Variants in MTHFD1 observed in about 807,000 individuals in gnomAD.
MTHFD1 encodes the protein C-1-tetrahydrofolate synthase, cytoplasmic.
In MTHFD1, 44 loss-of-function variants were observed where a neutral mutation model predicts 110.3. The ratio of observed to expected loss-of-function variants is 0.40; its 90% CI spans 0.31 to 0.51. MTHFD1 has a LOEUF of 0.51. Ranked by LOEUF, MTHFD1 falls within the 20% of genes least tolerant of loss-of-function variation. The pLI, the probability that MTHFD1 is intolerant of heterozygous loss-of-function variation, is 0.60. For missense variants in MTHFD1, 909 were observed against 1,173.1 expected, an observed-to-expected ratio of 0.77 and a Z score of 3.29; for synonymous variants, 402 against 428.8, an observed-to-expected ratio of 0.94 and a Z score of 0.77.
chr14:64,396,921 G>T (rs1480146124), intron 1 of MTHFD1, among the ~76,000 whole-genome samples: 1 of 145,704 alleles, frequency 6.9e-6, no homozygotes, highest in Non-Finnish European at 1.5e-5. Context: ...TGGCTAACAC[G>T]GTGAAACCCC....
Position 64,455,138 on chromosome 14 carries a change from T to C in MTHFD1, c.2718+263T>C, listed in dbSNP as rs536539877. On this transcript the variant is annotated intron_variant, in intron 26 of 27. Coordinates refer to ENST00000652337, the MANE Select transcript of MTHFD1 (RefSeq NM_005956.4). ...AAAATTCTGTTTCCCAGGGACAGTATGCTCTTCACTGAATCTAGGATGAGC... is the reference window on the plus strand; with the variant it reads ...AAAATTCTGTTTCCCAGGGACAGTACGCTCTTCACTGAATCTAGGATGAGC... 53 of 449,672 alleles carry C rather than the reference T, an allele frequency of 1.2e-4. 1 individual carries two copies. The highest frequency in any genetic ancestry group is 1.1e-3 in the South Asian group (52 of 48,292). The allele number at this position is 449,672 out of a possible 1,614,324, so 27.9% of individuals were successfully genotyped here. A position where few individuals can be genotyped will look rare whatever the true frequency, so the allele number is the denominator to read the frequency against.
chr14:64,450,546 T>C (rs1375800898), intron 24 of MTHFD1, among the ~76,000 whole-genome samples: 1 of 152,248 alleles, frequency 6.6e-6, no homozygotes, highest in Non-Finnish European at 1.5e-5. Context: ...GTTCTTATTA[T>C]AGGGTTGTGT....
chr14:64,432,462 T>C (rs1180785766), intron 15 of MTHFD1, among the ~76,000 whole-genome samples: 1 of 152,212 alleles, frequency 6.6e-6, no homozygotes, highest in East Asian at 1.9e-4. Flanking sequence ...TTCCAAAAAC[T>C]GGGAACTAAT....
intron 8 of MTHFD1, among the ~76,000 whole-genome samples, chr14:64,420,664 A>C (rs969739943): frequency 1.3e-5 from 2 of 152,076 alleles, no homozygotes; most frequent in African/African-American, 4.8e-5. Flanking sequence ...CTTCCCACTC[A>C]GATCTATCCC....
chr14:64,418,050 G>A (rs2078038670), intron 7 of MTHFD1, 26 bp downstream of exon 7: 4 of 1,613,956 alleles, frequency 2.5e-6, no homozygotes, highest in Non-Finnish European at 2.5e-6. Flanking sequence ...GAGAGGTAAA[G>A]GTGTTACGGT....
chr14:64,453,722 C>A, intron 24 of MTHFD1, 32 bp from the exon 25 acceptor site: 1 of 1,303,318 alleles, frequency 7.7e-7, no homozygotes, highest in South Asian at 1.2e-5. Context: ...TGTGTCCAGT[C>A]ATGGTGTCCC....
intron 15 of MTHFD1, 28 bp downstream of exon 15, chr14:64,431,889 A>G: frequency 1.3e-6 from 2 of 1,586,868 alleles, no homozygotes; most frequent in South Asian, 2.2e-5. Context: ...CACATTTTTT[A>G]TATTGTATGG....
chr14:64,450,381 G>A (rs1472616690), intron 24 of MTHFD1, among the ~76,000 whole-genome samples: 1 of 152,166 alleles, frequency 6.6e-6, no homozygotes, highest in Non-Finnish European at 1.5e-5. Flanking sequence ...TCACTTCCTG[G>A]TAAGGTGCTG....
chr14:64,448,377 C>T (rs1017977406), intron 23 of MTHFD1, 60 bp downstream of exon 23: 4 of 1,264,884 alleles, frequency 3.2e-6, no homozygotes, highest in African/African-American at 2.9e-5. Context: ...GCTGATTGTA[C>T]AGCACTGCTT....
chr14:64,411,279 T>G, intron 3 of MTHFD1, 130 bp downstream of exon 3: 1 of 732,552 alleles, frequency 1.4e-6, no homozygotes, highest in Non-Finnish European at 2.4e-6. Flanking sequence ...TTATCTATTT[T>G]GTAAGTCAGA....
intron 25 of MTHFD1, among the ~76,000 whole-genome samples, chr14:64,454,106 G>GA (rs1163222104): frequency 6.6e-6 from 1 of 152,130 alleles, no homozygotes; most frequent in African/African-American, 2.4e-5. Context: ...AAAATATTGA[G>GA]AACGTCTCCA....
At chr14:64,452,435 G>C (rs1385120736) in intron 24 of MTHFD1, among the ~76,000 whole-genome samples, 1 of 152,110 alleles carries the variant, frequency 6.6e-6, no homozygotes, top group Non-Finnish European at 1.5e-5. Flanking sequence ...CAACCTCTCC[G>C]TATGCTGTTC....
At chr14:64,439,404 G>C in intron 17 of MTHFD1, 1 of 579,850 alleles carries the variant, frequency 1.7e-6, no homozygotes, top group Non-Finnish European at 3.1e-6. Context: ...TGGAGGTGGA[G>C]AGCCCCAAGT....
At chr14:64,454,969 G>A (rs771737750) in intron 26 of MTHFD1, 94 bp downstream of exon 26, 1 of 1,311,014 alleles carries the variant, frequency 7.6e-7, no homozygotes, top group South Asian at 1.2e-5. Context: ...AGTGAGCAGA[G>A]TTCACTGCCC....
At position 64,442,290 on chromosome 14, in the gene MTHFD1, T is replaced by G; in HGVS notation, c.2024T>G (p.Ile675Ser). ...VVTEAGFGAD[I>S]GMEKFFNIKC... ...ACGGAAGCAGGATTTGGAGCAGACA[T>G]TGGAATGGAAAAGTTTTTTAACATC... Residue 675 changes from isoleucine to serine, a missense_variant, in exon 21 of 28, where the codon ATT becomes AGT. Physicochemically the swap from Ile to Ser is moderately radical, Grantham distance 142. Coordinates refer to ENST00000652337, the MANE Select transcript of MTHFD1 (RefSeq NM_005956.4). The G allele has an allele frequency of 1.9e-6, 3 of 1,614,238 alleles. No homozygotes were observed. The highest frequency in any genetic ancestry group is 2.5e-6 in the Non-Finnish European group (3 of 1,180,046).
In MTHFD1 at chr14:64,455,270, G is replaced by A. The variant is rs193162234; in HGVS notation, c.2718+395G>A. The A allele has an allele frequency of 1.7e-4, 36 of 212,702 alleles. No homozygotes were observed. In the Admixed American group the frequency reaches 1.7e-3, roughly 10 times the overall value. 13.2% of individuals were successfully genotyped at this position (212,702 alleles called of 1,614,324 possible). A position where few individuals can be genotyped will look rare whatever the true frequency, so the allele number is the denominator to read the frequency against. ...CACAGCCCTAGGAGGTAGGGACAGA[G>A]GTTTTACTGACAGGCCTAGAACTTA... On this transcript the variant is annotated intron_variant, in intron 26 of 27. Transcript: ENST00000652337.
chr14:64,449,630 A>T lies in MTHFD1; in HGVS notation c.2457+8A>T, dbSNP rs767582414. 4 of 1,613,722 alleles carry T rather than the reference A, an allele frequency of 2.5e-6. No individual in the cohort carries two copies. In the African/African-American group the frequency reaches 5.3e-5, roughly 22 times the overall value. On this transcript the variant is annotated splice_region_variant and intron_variant, in intron 24 of 27. Transcript: ENST00000652337. Reference sequence around the variant, plus strand: ...CTCCTTTATGACCTCAAGGTGGGTGATTTGCTGTCTGCAAAAAAAGAAAAA... The same window carrying T: ...CTCCTTTATGACCTCAAGGTGGGTGTTTTGCTGTCTGCAAAAAAAGAAAAA...
chr14:64,458,750 A>G (rs1359647902), intron 27 of MTHFD1: 9 of 215,908 alleles, frequency 4.2e-5, no homozygotes, highest in Middle Eastern at 1.9e-3. Context: ...AGAAAAGAGA[A>G]GGAAACAGGA....
chr14:64,433,476 G>C (rs1466680357), intron 15 of MTHFD1, among the ~76,000 whole-genome samples: 1 of 152,012 alleles, frequency 6.6e-6, no homozygotes, highest in Non-Finnish European at 1.5e-5. Flanking sequence ...GGAGTGCCGT[G>C]GTGCAATCAC....
Sources: gnomAD v4.1 joint callset for allele counts (sites outside exome capture counted in the v4.1 genomes callset) on GRCh38, gnomAD v4.1.1 for gene constraint, MANE v1.5 for transcripts, NCBI Gene and HGNC (gene_info 2026-07-23, HGNC 2026-07-21) for gene names.